GPLD1: variants seen among roughly 807,000 people sequenced by gnomAD.
GPLD1 encodes the protein phosphatidylinositol-glycan-specific phospholipase D.
In GPLD1, 84 loss-of-function variants were observed where a neutral mutation model predicts 112.6. The observed-to-expected ratio is 0.75, with a 90% CI of 0.63 to 0.89. The LOEUF is 0.89. GPLD1 is among the 40% of genes least tolerant of loss of function. The pLI is 0.00. For missense variants in GPLD1, 1,044 were observed against 1,051.5 expected, an observed-to-expected ratio of 0.99 and a Z score of 0.10; for synonymous variants, 386 against 403.8, an observed-to-expected ratio of 0.96 and a Z score of 0.53.
intron 8 of GPLD1, 58 bp from the exon 9 acceptor site, chr6:24,466,997 C>G: frequency 6.9e-7 from 1 of 1,450,654 alleles, no homozygotes; most frequent in South Asian, 1.1e-5. Context: ...AGAAATGAAG[C>G]AAATAATGAA....
chr6:24,476,750 T>C (rs895744057), intron 3 of GPLD1, among the ~76,000 whole-genome samples: 1 of 152,326 alleles, frequency 6.6e-6, no homozygotes. Context: ...ATAATAATTA[T>C]TGCAAAATGG....
At chr6:24,470,344 G>A (rs1018584559) in intron 7 of GPLD1, among the ~76,000 whole-genome samples, 7 of 152,126 alleles carry the variant, frequency 4.6e-5, no homozygotes, top group South Asian at 2.1e-4. Flanking sequence ...TTTGCCTCAC[G>A]ATAAAAAGCT....
Position 24,429,282 on chromosome 6 carries a change from C to T in GPLD1, c.2437-164G>A, listed in dbSNP as rs567011277. Among the ~76,000 whole-genome samples the T allele has an allele frequency of 3.2e-4, 49 of 152,304 alleles. No individual in the cohort carries two copies. In the South Asian group the frequency reaches 4.6e-3, roughly 14 times the overall value. ...TGCCACTTTCCCTTTGTTTACAGAC[C>T]GCTTTCTCACATCTATAAGTTCTGA... On this transcript the variant is annotated intron_variant, in intron 24 of 24. Coordinates refer to ENST00000230036, the MANE Select transcript of GPLD1 (RefSeq NM_001503.4).
upstream of GPLD1, among the ~76,000 whole-genome samples, chr6:24,491,025 C>T (rs1279493274): frequency 6.6e-6 from 1 of 152,158 alleles, no homozygotes; most frequent in East Asian, 1.9e-4. Context: ...ACGTAGAAAT[C>T]TAGATTTCTG....
intron 4 of GPLD1, among the ~76,000 whole-genome samples, chr6:24,475,730 C>T (rs1234736405): frequency 4.7e-5 from 7 of 147,532 alleles, no homozygotes; most frequent in Non-Finnish European, 1.0e-4. Flanking sequence ...TGGTGGCGGG[C>T]GCCTGTAGTC....
downstream of GPLD1, chr6:24,424,986 C>G (rs2753926): frequency 0.99 from 150,666 of 152,340 alleles, 74,528 homozygotes; most frequent in East Asian, 1. Context: ...AGGGAAGCTG[C>G]AGAACAGAAT....
At position 24,427,845 on chromosome 6, in the gene GPLD1, CAAAAAAAAAA is replaced by C. The variant is rs72112585; in HGVS notation, c.*1177_*1186del. Among the ~76,000 whole-genome samples the C allele has an allele frequency of 3.0e-4, 26 of 87,588 alleles. No individual in the cohort carries two copies. The South Asian group carries it at 3.8e-3, about 13-fold the overall frequency. 57.5% of individuals were successfully genotyped at this position (87,588 alleles called of 152,430 possible). ...TGGGCAACAGAGCAAGACTCCGTCT[CAAAAAAAAAA>C]AAAAAAAAAAAGGACTATCATCCTT... On this transcript the variant is annotated 3_prime_UTR_variant, in exon 25 of 25. Coordinates refer to ENST00000230036, the MANE Select transcript of GPLD1 (RefSeq NM_001503.4).
intron 24 of GPLD1, among the ~76,000 whole-genome samples, chr6:24,431,248 A>T (rs1762395795): frequency 6.6e-6 from 1 of 151,968 alleles, no homozygotes; most frequent in Non-Finnish European, 1.5e-5. Context: ...CCCACCTTCC[A>T]CCCTGGTCCA....
chr6:24,464,872 G>A (rs1763547631), intron 10 of GPLD1, among the ~76,000 whole-genome samples: 1 of 152,178 alleles, frequency 6.6e-6, no homozygotes. Context: ...GTGGGGAGAG[G>A]CTGCATGTCC....
chr6:24,436,874 G>T, intron 21 of GPLD1, 138 bp from the exon 22 acceptor site: 2 of 889,560 alleles, frequency 2.2e-6, no homozygotes, highest in Non-Finnish European at 3.4e-6. Context: ...TTTCATCCTG[G>T]CAAAGGCTTT....
Position 24,428,137 on chromosome 6 carries a change from C to T in GPLD1, c.*895G>A, listed in dbSNP as rs1384465622. The T allele has an allele frequency of 2.1e-5, 3 of 144,550 alleles. No homozygotes were observed. The highest frequency in any genetic ancestry group is 4.5e-5 in the Non-Finnish European group (3 of 66,912). The allele number at this position is 144,550 out of a possible 1,614,324, so 9.0% of individuals were successfully genotyped here. ...CCTCACCCCCATGCTTTACTCTGTA[C>T]TATTTTTCCTCCCTCAGTTTCTTTT... On this transcript the variant is annotated 3_prime_UTR_variant, in exon 25 of 25. Coordinates refer to ENST00000230036, the MANE Select transcript of GPLD1 (RefSeq NM_001503.4).
Position 24,436,546 on chromosome 6 carries a change from A to G in GPLD1, c.2358+30T>C, listed in dbSNP as rs7751700. ...ATCAGCAATTAGTGATCCTTTCCCAATAAGTTATAGAATTTTGTAGAACAC... is the reference window on the plus strand; with the variant it reads ...ATCAGCAATTAGTGATCCTTTCCCAGTAAGTTATAGAATTTTGTAGAACAC... On this transcript the variant is annotated intron_variant, in intron 22 of 24. Transcript: ENST00000230036. 1.5e-5 allele frequency: 24 copies of G among 1,594,450 alleles called. No homozygotes were observed. The African/African-American group carries it at 1.6e-4, about 11-fold the overall frequency.
chr6:24,495,006 T>G lies in GPLD1; in HGVS notation n.200A>C, dbSNP rs200793796. On this transcript the variant is annotated non_coding_transcript_exon_variant, in exon 1 of 11. Coordinates refer to the GPLD1 transcript ENST00000474784. ...CGTCGTTGCCCGGGCCATGGCGACC[T>G]GCATTTGGCTGCGGAGCTGTGGGGC... 8,494 of 1,319,228 alleles carry G rather than the reference T, an allele frequency of 6.4e-3. 59 individuals are homozygous for G. Among genetic ancestry groups the G allele is most frequent in the Non-Finnish European group, 6.2e-3 (6,443 of 1,036,224 alleles). The allele number at this position is 1,319,228 out of a possible 1,614,324, so 81.7% of individuals were successfully genotyped here.
At chr6:24,478,928 T>C (rs1278770727) in intron 3 of GPLD1, among the ~76,000 whole-genome samples, 1 of 152,170 alleles carries the variant, frequency 6.6e-6, no homozygotes, top group Non-Finnish European at 1.5e-5. Flanking sequence ...ATACGACTCA[T>C]GAGACAAGTT....
intron 20 of GPLD1, among the ~76,000 whole-genome samples, chr6:24,437,873 C>T (rs1013679770): frequency 6.6e-6 from 1 of 152,228 alleles, no homozygotes; most frequent in African/African-American, 2.4e-5. Flanking sequence ...GGTGTCCCCT[C>T]CTCTGGGAAG....
exon 1 of GPLD1, chr6:24,495,002 G>C: frequency 2.3e-6 from 3 of 1,319,692 alleles, no homozygotes; most frequent in Middle Eastern, 2.9e-4. Flanking sequence ...GGGCCATGGC[G>C]ACCTGCATTT....
Position 24,473,674 on chromosome 6 carries a change from A to G in GPLD1, c.442-7T>C, listed in dbSNP as rs748624208. 1.7e-5 allele frequency: 27 copies of G among 1,597,262 alleles called. No individual in the cohort carries two copies. In the Admixed American group the frequency reaches 3.5e-4, roughly 21 times the overall value. ...AGGAGCCGTGAAAATCAATCTAAGA[A>G]AGAAAGAGAACCATCTGGTGTGTAT... On this transcript the variant is annotated splice_polypyrimidine_tract_variant and splice_region_variant and intron_variant, in intron 5 of 24. Transcript: ENST00000230036.
intron 22 of GPLD1, among the ~76,000 whole-genome samples, chr6:24,436,174 T>A (rs9467150): frequency 0.066 from 9,981 of 152,146 alleles, 771 homozygotes; most frequent in African/African-American, 0.19. Context: ...GAGAATCACC[T>A]GAGCCCAGGA....
At chr6:24,439,917 A>AT (rs1299500057) in intron 20 of GPLD1, among the ~76,000 whole-genome samples, 1 of 152,156 alleles carries the variant, frequency 6.6e-6, no homozygotes, top group Non-Finnish European at 1.5e-5. Context: ...AGACCTCCAT[A>AT]TTGCCTTAAT....
Sources: gnomAD v4.1 joint callset for allele counts (sites outside exome capture counted in the v4.1 genomes callset) on GRCh38, gnomAD v4.1.1 for gene constraint, MANE v1.5 for transcripts, NCBI Gene and HGNC (gene_info 2026-07-23, HGNC 2026-07-21) for gene names.